The following SEMA5A variants were observed in gnomAD, a reference collection of about 807,000 sequenced individuals.
SEMA5A encodes the protein semaphorin-5A.
A neutral mutation model predicts 135.5 loss-of-function variants in SEMA5A; 55 were observed. The ratio of observed to expected loss-of-function variants is 0.41; its 90% CI spans 0.33 to 0.51. The LOEUF (loss-of-function observed/expected upper bound fraction) is 0.51. SEMA5A is among the 20% of genes least tolerant of loss of function. The pLI, the probability that SEMA5A is intolerant of heterozygous loss-of-function variation, is 0.37. For missense variants in SEMA5A, 1,290 were observed against 1,419.9 expected, an observed-to-expected ratio of 0.91 and a Z score of 1.47; for synonymous variants, 580 against 546.5, an observed-to-expected ratio of 1.06 and a Z score of -0.85.
At chr5:9,288,071 C>T (rs993253989) in intron 5 of SEMA5A, among the ~76,000 whole-genome samples, 2 of 151,970 alleles carry the variant, frequency 1.3e-5, no homozygotes, top group Middle Eastern at 3.2e-3. Context: ...CATGACATAT[C>T]TAAAATAGAA....
chr5:9,197,782 GTGT>G (rs1745496721), intron 9 of SEMA5A, among the ~76,000 whole-genome samples: 1 of 110,942 alleles, frequency 9.0e-6, no homozygotes, highest in Admixed American at 1.0e-4. Flanking sequence ...GTGTGTGTGT[GTGT>G]TTTAACCCAG....
chr5:9,402,314 C>T (rs897819554), intron 2 of SEMA5A, among the ~76,000 whole-genome samples: 4 of 152,224 alleles, frequency 2.6e-5, no homozygotes, highest in Non-Finnish European at 4.4e-5. Context: ...ACCAATTTCA[C>T]AAGAGATGCT....
At chr5:9,103,202 G>A (rs1739723697) in intron 16 of SEMA5A, among the ~76,000 whole-genome samples, 1 of 152,078 alleles carries the variant, frequency 6.6e-6, no homozygotes, top group Non-Finnish European at 1.5e-5. Context: ...GTTTTCTACA[G>A]GTCTCGATTT....
intron 19 of SEMA5A, chr5:9,053,882 G>A (rs937212517): frequency 4.1e-6 from 2 of 487,350 alleles, no homozygotes; most frequent in East Asian, 3.5e-5. Context: ...CTTTGAACAC[G>A]AGTTCTGAAT....
At chr5:9,467,257 C>T (rs1221810520) in intron 1 of SEMA5A, among the ~76,000 whole-genome samples, 2 of 152,180 alleles carry the variant, frequency 1.3e-5, no homozygotes, top group Admixed American at 1.3e-4. Flanking sequence ...GGATTACAGG[C>T]ATCAACCACT....
chr5:9,101,042 G>C (rs982154025), intron 16 of SEMA5A, among the ~76,000 whole-genome samples: 60 of 152,250 alleles, frequency 3.9e-4, no homozygotes, highest in Middle Eastern at 3.4e-3. Flanking sequence ...GCATTCTTCT[G>C]GACCCTCAGT....
chr5:9,532,440 CTTTTTT>C (rs4045370), intron 1 of SEMA5A, among the ~76,000 whole-genome samples: 1 of 125,142 alleles, frequency 8.0e-6, no homozygotes, highest in African/African-American at 3.1e-5. Context: ...TAATTTTTTT[CTTTTTT>C]TTTTTTTTTT....
At chr5:9,455,118 C>T (rs1045722040) in intron 1 of SEMA5A, among the ~76,000 whole-genome samples, 3 of 152,094 alleles carry the variant, frequency 2.0e-5, no homozygotes, top group African/African-American at 7.2e-5. Context: ...TTCATTCCAC[C>T]AGCATAAGAT....
intron 2 of SEMA5A, among the ~76,000 whole-genome samples, chr5:9,426,228 G>C (rs896961832): frequency 7.2e-5 from 11 of 151,794 alleles, no homozygotes; most frequent in African/African-American, 2.7e-4. Flanking sequence ...ATGAGGTCAG[G>C]AGATCAAGAC....
intron 16 of SEMA5A, among the ~76,000 whole-genome samples, chr5:9,079,293 A>T (rs893162175): frequency 6.6e-6 from 1 of 152,156 alleles, no homozygotes; most frequent in African/African-American, 2.4e-5. Flanking sequence ...AAACTGAACA[A>T]CCTGCTCTTG....
At chr5:9,140,540 CCTT>C (rs1742009860) in intron 12 of SEMA5A, among the ~76,000 whole-genome samples, 1 of 152,170 alleles carries the variant, frequency 6.6e-6, no homozygotes, top group Non-Finnish European at 1.5e-5. Flanking sequence ...CGCTAAGAGT[CCTT>C]CTGCTCCCTG....
At chr5:9,205,382 G>T (rs1745956380) in intron 8 of SEMA5A, among the ~76,000 whole-genome samples, 1 of 152,120 alleles carries the variant, frequency 6.6e-6, no homozygotes. Flanking sequence ...CAAGAACATT[G>T]TTGGAAAGTG....
intron 1 of SEMA5A, among the ~76,000 whole-genome samples, chr5:9,439,822 C>G (rs760441996): frequency 1.3e-5 from 2 of 152,244 alleles, no homozygotes; most frequent in Non-Finnish European, 2.9e-5. Flanking sequence ...TGTGGAAAAG[C>G]AATACCCACA....
At chr5:9,106,765 T>C (rs948457909) in intron 16 of SEMA5A, among the ~76,000 whole-genome samples, 4 of 152,256 alleles carry the variant, frequency 2.6e-5, no homozygotes, top group Admixed American at 2.6e-4. Flanking sequence ...AATGTCAGCA[T>C]CTGAAATATC....
chr5:9,316,373 G>A (rs1221363402), intron 5 of SEMA5A, among the ~76,000 whole-genome samples: 2 of 152,166 alleles, frequency 1.3e-5, no homozygotes, highest in African/African-American at 2.4e-5. Context: ...AAAGTAACAT[G>A]TATCAAGTGT....
intron 16 of SEMA5A, among the ~76,000 whole-genome samples, chr5:9,075,927 C>T (rs942523814): frequency 6.6e-6 from 1 of 152,108 alleles, no homozygotes; most frequent in African/African-American, 2.4e-5. Context: ...TATCTTCAGG[C>T]CAGGCATGGT....
intron 9 of SEMA5A, among the ~76,000 whole-genome samples, chr5:9,201,354 G>A (rs536895687): frequency 2.0e-3 from 308 of 152,288 alleles, no homozygotes; most frequent in Admixed American, 5.8e-3. Flanking sequence ...TCATTCTAAA[G>A]TTAGGAGTAT....
intron 3 of SEMA5A, among the ~76,000 whole-genome samples, chr5:9,366,114 A>T (rs1754903139): frequency 6.6e-6 from 1 of 152,212 alleles, no homozygotes; most frequent in Non-Finnish European, 1.5e-5. Flanking sequence ...AAGGGTTTCT[A>T]AACTTTACTG....
intron 2 of SEMA5A, among the ~76,000 whole-genome samples, chr5:9,419,091 AT>A (rs11313934): frequency 0.1 from 15,649 of 150,486 alleles, 1,035 homozygotes; most frequent in African/African-American, 0.19. Flanking sequence ...GATTTCAAGC[AT>A]TTTTTTTTTA....
Sources: allele counts gnomAD v4.1 joint callset (sites outside exome capture counted in the v4.1 genomes callset), GRCh38; gene constraint gnomAD v4.1.1; transcripts MANE v1.5; gene names NCBI Gene and HGNC (gene_info 2026-07-23, HGNC 2026-07-21).